Variants in KIRREL1 observed in about 807,000 individuals in gnomAD.
KIRREL1 encodes the protein kirre like nephrin family adhesion molecule 1, also known as kin of IRRE-like protein 1.
KIRREL1 carries 25 observed loss-of-function variants against 83.3 expected under a neutral mutation model. The observed-to-expected ratio is 0.30, with a 90% CI of 0.22 to 0.42. The LOEUF (loss-of-function observed/expected upper bound fraction) is 0.42. Among genes scored for constraint, KIRREL1 ranks in the 10% least tolerant of loss-of-function variants. The pLI is 1.00. For synonymous variants in KIRREL1, 388 were observed against 410.4 expected (o/e 0.95, Z 0.66); for missense variants, 812 against 1,032.3 (o/e 0.79, Z 2.92).
chr1:158,098,846 G>A lies in KIRREL1; in HGVS notation c.*3726G>A, dbSNP rs921918404. On this transcript the variant is annotated 3_prime_UTR_variant, in exon 15 of 15. Coordinates refer to ENST00000359209, the MANE Select transcript of KIRREL1 (RefSeq NM_018240.7). Reference sequence around the variant, plus strand: ...ACTTTCCTCTTCACTCTGATGAGGGGAGCTTTATCTGCTTTCAAAATGGAG... The same window carrying A: ...ACTTTCCTCTTCACTCTGATGAGGGAAGCTTTATCTGCTTTCAAAATGGAG... The A allele has an allele frequency of 4.6e-5, 7 of 152,234 alleles. No homozygotes were observed. The East Asian group carries it at 1.2e-3, about 25-fold the overall frequency. The allele number at this position is 152,234 out of a possible 1,614,324, so 9.4% of individuals were successfully genotyped here.
rs1355325458 is a variant in KIRREL1, at chr1:158,029,365, GTGCA to G, written c.52+35638_52+35641del. ...TGTGTGTGTGTGTGTGTGTGTGTGT[GTGCA>G]CGTGCGCGCGCATGCACACATGCAT... is the stretch of plus-strand genomic sequence containing the variant. On this transcript the variant is annotated intron_variant, in intron 1 of 14. Transcript: ENST00000359209. Among the ~76,000 whole-genome samples the G allele has an allele frequency of 3.3e-3, 492 of 150,002 alleles. 2 individuals carry two copies. The highest frequency in any genetic ancestry group is 9.9e-3 in the African/African-American group (403 of 40,860).
At chr1:158,040,681 G>A (rs1450414870) in intron 1 of KIRREL1, among the ~76,000 whole-genome samples, 3 of 152,174 alleles carry the variant, frequency 2.0e-5, no homozygotes, top group East Asian at 1.9e-4. Context: ...AAATGGAGGG[G>A]AAAAACATTT....
At chr1:158,025,602 G>C (rs1660145613) in intron 1 of KIRREL1, 1 of 151,978 alleles carries the variant, frequency 6.6e-6, no homozygotes. Flanking sequence ...AGAGAGAGGA[G>C]AGAAGATAAA....
chr1:158,042,015 T>A (rs1006362901), intron 1 of KIRREL1, among the ~76,000 whole-genome samples: 5 of 152,158 alleles, frequency 3.3e-5, no homozygotes, highest in Admixed American at 2.6e-4. Flanking sequence ...CTCAGAGAAC[T>A]TGCTACATTG....
At chr1:158,041,999 C>T (rs1660639510) in intron 1 of KIRREL1, among the ~76,000 whole-genome samples, 1 of 152,162 alleles carries the variant, frequency 6.6e-6, no homozygotes. Context: ...AGGGCCTTCA[C>T]AGGAACTCAG....
At chr1:158,052,511 G>A (rs1660935058) in intron 1 of KIRREL1, among the ~76,000 whole-genome samples, 1 of 152,120 alleles carries the variant, frequency 6.6e-6, no homozygotes, top group African/African-American at 2.4e-5. Context: ...AGGGCGCGGT[G>A]GCTCACGCCT....
In KIRREL1 at chr1:158,086,741, T is replaced by A; in HGVS notation, c.656T>A (p.Val219Glu). The A allele has an allele frequency of 6.5e-7, 1 of 1,541,460 alleles. No individual in the cohort carries two copies. Among genetic ancestry groups the A allele is most frequent in the Non-Finnish European group, 8.8e-7 (1 of 1,142,144 alleles). Reference sequence around the variant, plus strand: ...AAGGAGACTTCCATCGAGCTGGATGTGCACCGTGAGTGGGCTGGGGGGAGC... The same window carrying A: ...AAGGAGACTTCCATCGAGCTGGATGAGCACCGTGAGTGGGCTGGGGGGAGC... ...SGKETSIELDVHHPPTVTLSI... is the reference protein window; with the variant it reads ...SGKETSIELDEHHPPTVTLSI... The change falls in exon 5 of 15, where the codon GTG becomes GAG. Residue 219 changes from valine (V) to glutamate (E), a missense_variant. Physicochemically the swap from Val to Glu is moderately radical, Grantham distance 121. Coordinates refer to ENST00000359209, the MANE Select transcript of KIRREL1 (RefSeq NM_018240.7).
Position 158,088,396 on chromosome 1 carries a change from G to A in KIRREL1, c.986G>A (p.Cys329Tyr). Residue 329 changes from cysteine (C) to tyrosine (Y), a missense_variant, in exon 8 of 15, where the codon TGT becomes TAT. Cys to Tyr is a radical substitution (Grantham distance 194). This residue lies in a region of KIRREL1 where 472 missense variants were observed against 626.8 expected (regional missense o/e 0.75). Coordinates refer to ENST00000359209, the MANE Select transcript of KIRREL1 (RefSeq NM_018240.7). ...TDIGSDVTLT[C>Y]VWVGNPPLTL... ...ATTGGCTCTGATGTGACCCTTACCT[G>A]TGTCTGGGTTGGGAATCCCCCCCTC... 6.2e-7 allele frequency: 1 copy of A among 1,612,430 alleles called. No individual in the cohort carries two copies. Among genetic ancestry groups the A allele is most frequent in the Non-Finnish European group, 8.5e-7 (1 of 1,179,596 alleles).
At chr1:158,075,233 A>G (rs962786334) in intron 1 of KIRREL1, among the ~76,000 whole-genome samples, 1 of 152,186 alleles carries the variant, frequency 6.6e-6, no homozygotes, top group Non-Finnish European at 1.5e-5. Flanking sequence ...TTTAGGCTCC[A>G]CAATTAAAGG....
chr1:158,051,242 T>C (rs1226963197), intron 1 of KIRREL1, among the ~76,000 whole-genome samples: 2 of 152,192 alleles, frequency 1.3e-5, no homozygotes. Flanking sequence ...TGCCTGTGCT[T>C]ATGCTGTTCC....
intron 1 of KIRREL1, among the ~76,000 whole-genome samples, chr1:158,005,446 C>T (rs546001565): frequency 5.0e-4 from 76 of 152,238 alleles, no homozygotes; most frequent in African/African-American, 1.8e-3. Context: ...CCACCCCACC[C>T]TGCCAAGTCT....
intron 1 of KIRREL1, among the ~76,000 whole-genome samples, chr1:158,061,922 A>G (rs1178408549): frequency 1.3e-5 from 2 of 152,144 alleles, no homozygotes; most frequent in African/African-American, 4.8e-5. Context: ...AGTGGCTGGC[A>G]TGTGGACAAG....
intron 1 of KIRREL1, among the ~76,000 whole-genome samples, chr1:158,067,832 T>G (rs1340986971): frequency 6.6e-6 from 1 of 152,202 alleles, no homozygotes; most frequent in Non-Finnish European, 1.5e-5. Flanking sequence ...GCCCTGTCAC[T>G]GTAAGCACCA....
In KIRREL1 at chr1:158,097,321, A is replaced by T. The variant is rs1307596258; in HGVS notation, c.*2201A>T. On this transcript the variant is annotated 3_prime_UTR_variant, in exon 15 of 15. Transcript: ENST00000359209. ...AAAGATGGTGGCTTTTAAAACATGC[A>T]TATTCCAAAAAGAATTCATTTTTGT... 2 of 306,966 alleles carry T rather than the reference A, an allele frequency of 6.5e-6. No individual in the cohort carries two copies. The highest frequency in any genetic ancestry group is 2.2e-5 in the African/African-American group (1 of 45,590). The allele number at this position is 306,966 out of a possible 1,614,324, so 19.0% of individuals were successfully genotyped here. A position where few individuals can be genotyped will look rare whatever the true frequency, so the allele number is the denominator to read the frequency against.
chr1:158,094,708 T>C lies in KIRREL1; in HGVS notation c.1862T>C (p.Leu621Pro). 2 of 1,612,584 alleles carry C rather than the reference T, an allele frequency of 1.2e-6. No homozygotes were observed. Among genetic ancestry groups the C allele is most frequent in the Non-Finnish European group, 1.7e-6 (2 of 1,179,960 alleles). The change falls in exon 15 of 15, where the codon CTC becomes CCC. Residue 621 changes from leucine to proline, a missense_variant. Transcript: ENST00000359209. This position sits in a 1 kb window ranked among gnomAD's most constrained non-coding sequence, Gnocchi z 4.6. The part of the protein sequence containing the change: ...HEDRPSSRAV[L>P]YADYRAPGPA... ...GACCGCCCGTCTTCCAGGGCAGTGC[T>C]CTATGCTGACTACCGTGCCCCTGGC...
At chr1:158,093,313 C>T (rs1291316532) in intron 11 of KIRREL1, 26 bp from the exon 12 acceptor site, 3 of 1,593,856 alleles carry the variant, frequency 1.9e-6, no homozygotes, top group Non-Finnish European at 8.6e-7. Context: ...AGCCTCACCC[C>T]TCCACCTTTC....
intron 5 of KIRREL1, among the ~76,000 whole-genome samples, chr1:158,087,116 G>A (rs1008813824): frequency 6.6e-6 from 1 of 152,150 alleles, no homozygotes; most frequent in Non-Finnish European, 1.5e-5. Context: ...GCTCTTCATA[G>A]TCTTTTATTT....
intron 1 of KIRREL1, among the ~76,000 whole-genome samples, chr1:158,017,699 C>T (rs189497335): frequency 1.3e-5 from 2 of 151,396 alleles, no homozygotes; most frequent in Admixed American, 6.6e-5. Context: ...CTCAAAAAAA[C>T]AAAAATAATA....
rs576703334 is a variant in KIRREL1 at position 158,014,149 on chromosome 1, T to G, written c.52+20421T>G. ...AAAAAACAGAGCTACGTGGGGGAAG[T>G]GGAGGGCAACGAGGAAGGTAAAGGG... On this transcript the variant is annotated intron_variant, in intron 1 of 14. Transcript: ENST00000359209. Among the ~76,000 whole-genome samples, 6 of 141,714 alleles carry G rather than the reference T, an allele frequency of 4.2e-5. No homozygotes were observed. The South Asian group carries it at 9.1e-4, about 21-fold the overall frequency. The allele number at this position is 141,714 out of a possible 152,430, so 93.0% of individuals were successfully genotyped here.
Sources: gnomAD v4.1 joint callset for allele counts (sites outside exome capture counted in the v4.1 genomes callset) on GRCh38, gnomAD v4.1.1 for gene constraint, gnomAD v4.1.1 regional missense constraint, Gnocchi (gnomAD v3.1) non-coding constraint, MANE v1.5 for transcripts, NCBI Gene and HGNC (gene_info 2026-07-23, HGNC 2026-07-21) for gene names.